The following COL22A1 variants were observed in gnomAD, a reference collection of about 807,000 sequenced individuals.
COL22A1 encodes the protein collagen alpha-1(XXII) chain.
A neutral mutation model predicts 248.9 loss-of-function variants in COL22A1; 221 were observed. The ratio of observed to expected loss-of-function variants is 0.89; its 90% confidence interval spans 0.80 to 0.99. The LOEUF is 0.99. Ranked by LOEUF, COL22A1 falls within the 50% of genes least tolerant of loss-of-function variation. The pLI, the probability that COL22A1 is intolerant of heterozygous loss-of-function variation, is 0.00. For missense variants in COL22A1, 2,240 were observed against 2,179.0 expected, an observed-to-expected ratio of 1.03 and a Z score of -0.56; for synonymous variants, 891 against 793.4, an observed-to-expected ratio of 1.12 and a Z score of -2.07.
intron 18 of COL22A1, among the ~76,000 whole-genome samples, chr8:138,759,943 A>C (rs1185566241): frequency 6.6e-6 from 1 of 151,880 alleles, no homozygotes; most frequent in African/African-American, 2.4e-5. Flanking sequence ...ATGCTTTTTT[A>C]CATTTTAATA....
intron 12 of COL22A1, among the ~76,000 whole-genome samples, chr8:138,791,576 C>T (rs146948827): frequency 3.9e-5 from 6 of 152,294 alleles, no homozygotes; most frequent in Middle Eastern, 3.4e-3. Context: ...TAATTAGCTT[C>T]TTATTTGTTT....
intron 52 of COL22A1, among the ~76,000 whole-genome samples, chr8:138,620,989 CCAT>C (rs1564106677): frequency 5.6e-5 from 7 of 125,428 alleles, no homozygotes; most frequent in South Asian, 2.8e-4. Flanking sequence ...ATCCATCCAT[CCAT>C]CCACCCATCC....
At chr8:138,899,323 G>T (rs1285980799) in intron 1 of COL22A1, among the ~76,000 whole-genome samples, 1 of 152,100 alleles carries the variant, frequency 6.6e-6, no homozygotes, top group Non-Finnish European at 1.5e-5. Flanking sequence ...GGATAAAAAA[G>T]GTTGAGAAAA....
At chr8:138,675,147 G>C (rs1017336296) in intron 41 of COL22A1, among the ~76,000 whole-genome samples, 1 of 152,096 alleles carries the variant, frequency 6.6e-6, no homozygotes, top group Non-Finnish European at 1.5e-5. Context: ...CATTGTGAGT[G>C]GGTAGAAATA....
intron 56 of COL22A1, among the ~76,000 whole-genome samples, chr8:138,610,906 T>A (rs898379191): frequency 1.3e-5 from 2 of 152,106 alleles, no homozygotes; most frequent in South Asian, 2.1e-4. Context: ...TCTACAAACA[T>A]TTTTTTTAAA....
intron 31 of COL22A1, among the ~76,000 whole-genome samples, chr8:138,700,356 G>A (rs112861182): frequency 1.6e-3 from 251 of 152,264 alleles, no homozygotes; most frequent in African/African-American, 5.1e-3. Context: ...GTTAGATTCC[G>A]GAGCCCTGGA....
At chr8:138,760,158 C>T (rs756716502) in intron 18 of COL22A1, 85 bp downstream of exon 18, 1 of 1,191,204 alleles carries the variant, frequency 8.4e-7, no homozygotes, top group Non-Finnish European at 1.1e-6. Flanking sequence ...CAGGCCCCTT[C>T]CCTGAGCCTG....
chr8:138,775,851 T>TGCACACACAAATGTGTACACAC, intron 16 of COL22A1, 115 bp downstream of exon 16: 1 of 1,017,766 alleles, frequency 9.8e-7, no homozygotes, highest in Non-Finnish European at 1.6e-6. Flanking sequence ...TGTGCACACA[T>TGCACACACAAATGTGTACACAC]GCACACACAA....
chr8:138,839,574 A>G (rs1289018782), intron 4 of COL22A1, among the ~76,000 whole-genome samples: 2 of 152,168 alleles, frequency 1.3e-5, no homozygotes, highest in African/African-American at 4.8e-5. Context: ...CTGCTCCCAC[A>G]CAGAGTTCCA....
chr8:138,733,229 C>A (rs1830842322), intron 23 of COL22A1, among the ~76,000 whole-genome samples: 1 of 152,206 alleles, frequency 6.6e-6, no homozygotes, highest in Admixed American at 6.5e-5. Context: ...AGCCCAGACA[C>A]CAGATTTCCA....
At chr8:138,762,823 C>T (rs1171701602) in intron 16 of COL22A1, among the ~76,000 whole-genome samples, 3 of 152,176 alleles carry the variant, frequency 2.0e-5, no homozygotes, top group Admixed American at 6.5e-5. Context: ...CATAAAATTG[C>T]AGGTGTATTT....
chr8:138,716,108 T>C (rs1379635753), intron 29 of COL22A1, 119 bp downstream of exon 29: 1 of 776,416 alleles, frequency 1.3e-6, no homozygotes, highest in African/African-American at 1.8e-5. Flanking sequence ...CACTGAGAAA[T>C]ACACTCTTCA....
intron 1 of COL22A1, among the ~76,000 whole-genome samples, chr8:138,901,707 G>A (rs962101286): frequency 6.6e-6 from 1 of 151,928 alleles, no homozygotes; most frequent in Non-Finnish European, 1.5e-5. Flanking sequence ...GACCCAAAAC[G>A]ACATAAATAT....
At position 138,761,069 on chromosome 8, in the gene COL22A1, C is replaced by T. The variant is rs1833448414; in HGVS notation, c.1858-782G>A. Reference sequence around the variant, plus strand: ...TTCAAGGATGCATGCAAAGCACCCTCACTTCCTCTGTACTCTGAACAGCAA... The same window carrying T: ...TTCAAGGATGCATGCAAAGCACCCTTACTTCCTCTGTACTCTGAACAGCAA... On this transcript the variant is annotated intron_variant, in intron 17 of 64. Transcript: ENST00000303045. Among the ~76,000 whole-genome samples, 3 of 152,202 alleles carry T rather than the reference C, an allele frequency of 2.0e-5. No individual in the cohort carries two copies. The South Asian group carries it at 6.2e-4, about 31-fold the overall frequency.
chr8:138,789,133 G>A (rs1209127904), intron 12 of COL22A1, among the ~76,000 whole-genome samples: 2 of 152,292 alleles, frequency 1.3e-5, no homozygotes, highest in Middle Eastern at 3.4e-3. Context: ...AGTGTCAGAC[G>A]GAGCTAGAGG....
intron 60 of COL22A1, among the ~76,000 whole-genome samples, chr8:138,600,015 C>G (rs1480721464): frequency 7.2e-5 from 11 of 152,190 alleles, no homozygotes; most frequent in African/African-American, 2.7e-4. Context: ...GGTCATCTCT[C>G]TCTCCTTTCT....
chr8:138,878,121 C>G lies in COL22A1; in HGVS notation c.287G>C (p.Gly96Ala), dbSNP rs761922357. The G allele has an allele frequency of 9.3e-5, 150 of 1,605,224 alleles. No individual in the cohort carries two copies. The highest frequency in any genetic ancestry group is 1.3e-4 in the Non-Finnish European group (149 of 1,176,642). ...PTTAFELGLFGSQEEVKAAAR... is the reference protein window; with the variant it reads ...PTTAFELGLFASQEEVKAAAR... Reference sequence around the variant, plus strand: ...AGCCGCCTTGACCTCCTCCTGCGAGCCAAAGAGTCCCAACTCGAAGGCCGT... The same window carrying G: ...AGCCGCCTTGACCTCCTCCTGCGAGGCAAAGAGTCCCAACTCGAAGGCCGT... Residue 96 changes from glycine (G) to alanine (A), a missense_variant, in exon 3 of 65, where the codon GGC becomes GCC. Gly to Ala is a moderately conservative substitution (Grantham distance 60). Coordinates refer to ENST00000303045, the MANE Select transcript of COL22A1 (RefSeq NM_152888.3).
intron 44 of COL22A1, among the ~76,000 whole-genome samples, chr8:138,659,981 C>G (rs1483815465): frequency 6.6e-6 from 1 of 152,222 alleles, no homozygotes; most frequent in Non-Finnish European, 1.5e-5. Context: ...CTCATTTGCT[C>G]ACCCCAGATC....
chr8:138,790,513 T>C (rs1432870419), intron 12 of COL22A1, among the ~76,000 whole-genome samples: 1 of 152,240 alleles, frequency 6.6e-6, no homozygotes, highest in African/African-American at 2.4e-5. Flanking sequence ...AAAATCCACA[T>C]GTCGTGGAAC....
Sources: allele counts gnomAD v4.1 joint callset (sites outside exome capture counted in the v4.1 genomes callset), GRCh38; gene constraint gnomAD v4.1.1; transcripts MANE v1.5; gene names NCBI Gene and HGNC (gene_info 2026-07-23, HGNC 2026-07-21).